MYO5A: variants seen among roughly 807,000 people sequenced by gnomAD.
MYO5A encodes the protein unconventional myosin-Va.
Under a neutral mutation model 249.7 loss-of-function variants are expected in MYO5A, and 98 were observed. The observed-to-expected ratio is 0.39, with a 90% CI of 0.33 to 0.46. MYO5A has a LOEUF of 0.46. Among genes scored for constraint, MYO5A ranks in the 20% least tolerant of loss-of-function variants. The probability of loss-of-function intolerance (pLI) is 0.98; values close to 1 mark genes in which losing one functional copy is unlikely to be tolerated. For synonymous variants in MYO5A, 778 were observed against 810.6 expected (o/e 0.96, Z 0.68); for missense variants, 1,696 against 2,308.8 (o/e 0.73, Z 5.44).
intron 1 of MYO5A, among the ~76,000 whole-genome samples, chr15:52,504,363 G>T (rs1433185495): frequency 6.6e-6 from 1 of 152,098 alleles, no homozygotes; most frequent in African/African-American, 2.4e-5. Context: ...TGAGGAGGTA[G>T]CCAGAAAACC....
intron 1 of MYO5A, among the ~76,000 whole-genome samples, chr15:52,501,133 C>A (rs1286395694): frequency 2.6e-5 from 4 of 151,996 alleles, no homozygotes; most frequent in Non-Finnish European, 5.9e-5. Flanking sequence ...CCAGGCCCGG[C>A]TAATTTTTTT....
intron 34 of MYO5A, among the ~76,000 whole-genome samples, 179 bp from the exon 35 acceptor site, chr15:52,330,678 A>G (rs905395280): frequency 5.9e-5 from 9 of 152,218 alleles, no homozygotes; most frequent in Non-Finnish European, 1.0e-4. Context: ...AGATGGCAAA[A>G]TTATATGGTC....
chr15:52,380,433 C>T (rs1299485325), intron 16 of MYO5A, among the ~76,000 whole-genome samples: 3 of 151,580 alleles, frequency 2.0e-5, no homozygotes, highest in South Asian at 2.1e-4. Flanking sequence ...GAGATTTTGT[C>T]TCAACAACAA....
chr15:52,459,281 C>A (rs927657387), intron 1 of MYO5A, among the ~76,000 whole-genome samples: 1 of 149,686 alleles, frequency 6.7e-6, no homozygotes, highest in Non-Finnish European at 1.5e-5. Flanking sequence ...ACAAAGGTCT[C>A]TGGTTTTCCT....
At chr15:52,505,311 G>C in intron 1 of MYO5A, 1 of 777,068 alleles carries the variant, frequency 1.3e-6, no homozygotes, top group East Asian at 2.4e-5. Flanking sequence ...TTGAAGCAGT[G>C]CCCCGCCCAC....
chr15:52,346,305 G>A (rs1596322201), intron 30 of MYO5A, 56 bp downstream of exon 30: 1 of 1,077,988 alleles, frequency 9.3e-7, no homozygotes, highest in Non-Finnish European at 1.4e-6. Context: ...AGGCTGGCTT[G>A]AAGGCTAAAG....
rs2076230727 is a variant in MYO5A, at chr15:52,460,668, G to A, written c.28-27383C>T. On this transcript the variant is annotated intron_variant, in intron 1 of 41. Coordinates refer to ENST00000399233, the MANE Select transcript of MYO5A (RefSeq NM_001382347.1). ...GAGACGAGGACCGTGCGAGGGCGAG[G>A]GCGAGGGCGAGGCTCCAGAAATTTT... 2.0e-5 allele frequency among the ~76,000 whole-genome samples: 3 copies of A among 152,074 alleles called. No individual in the cohort carries two copies. The South Asian group carries it at 6.2e-4, about 31-fold the overall frequency.
chr15:52,346,427 T>A lies in MYO5A; in HGVS notation c.3893A>T (p.Asp1298Val). The A allele has an allele frequency of 1.2e-6, 2 of 1,607,186 alleles. No individual in the cohort carries two copies. The highest frequency in any genetic ancestry group is 8.5e-7 in the Non-Finnish European group (1 of 1,174,030). Reference sequence around the variant, plus strand: ...ACCTTTATCTTTCATTTTTTGTACATCTTCCAAAAGTATTGTGGAATCTGT... The same window carrying A: ...ACCTTTATCTTTCATTTTTTGTACAACTTCCAAAAGTATTGTGGAATCTGT... Reference protein sequence around the residue: ...TMTDSTILLEDVQKMKDKGEI... With the variant: ...TMTDSTILLEVVQKMKDKGEI... The change falls in exon 30 of 42, where the codon GAT becomes GTT. Residue 1298 changes from aspartate to valine, a missense_variant. Around this residue, in one of 5 missense-constraint regions of MYO5A, gnomAD observed 625 missense variants for 908.1 expected, o/e 0.69. Transcript: ENST00000399233.
At chr15:52,399,026 A>G (rs1483788901) in intron 9 of MYO5A, among the ~76,000 whole-genome samples, 2 of 152,118 alleles carry the variant, frequency 1.3e-5, no homozygotes, top group African/African-American at 4.8e-5. Flanking sequence ...AAAAAAAAAA[A>G]AAGGTGGGTC....
intron 9 of MYO5A, among the ~76,000 whole-genome samples, chr15:52,401,455 T>C (rs2042752794): frequency 6.6e-6 from 1 of 152,198 alleles, no homozygotes; most frequent in Non-Finnish European, 1.5e-5. Context: ...AATTCTAACT[T>C]AATAGTTTCC....
chr15:52,341,888 A>G (rs1016270351), intron 31 of MYO5A, among the ~76,000 whole-genome samples: 16 of 152,202 alleles, frequency 1.1e-4, no homozygotes, highest in Admixed American at 4.6e-4. Flanking sequence ...TGCTGTTTCA[A>G]TTTTATTTTC....
At chr15:52,321,867 T>C (rs1167780468) in intron 37 of MYO5A, among the ~76,000 whole-genome samples, 1 of 151,694 alleles carries the variant, frequency 6.6e-6, no homozygotes, top group Non-Finnish European at 1.5e-5. Flanking sequence ...CACTAAATTA[T>C]CTAAATTATC....
At chr15:52,416,108 A>T (rs1179018205) in intron 5 of MYO5A, 37 bp downstream of exon 5, 1 of 1,611,536 alleles carries the variant, frequency 6.2e-7, no homozygotes, top group African/African-American at 1.3e-5. Context: ...TCTTATCAAG[A>T]GAATATAGGA....
chr15:52,492,647 C>G (rs1195978682), intron 1 of MYO5A, among the ~76,000 whole-genome samples: 1 of 152,232 alleles, frequency 6.6e-6, no homozygotes, highest in Non-Finnish European at 1.5e-5. Context: ...AAGGGCCAAC[C>G]TTGTAAACAG....
intron 34 of MYO5A, among the ~76,000 whole-genome samples, chr15:52,336,243 G>A (rs1387460347): frequency 6.6e-6 from 1 of 152,128 alleles, no homozygotes; most frequent in Admixed American, 6.5e-5. Context: ...TGCTTACAGA[G>A]TAAAATCTGT....
intron 1 of MYO5A, among the ~76,000 whole-genome samples, chr15:52,484,519 C>T (rs971929736): frequency 6.6e-6 from 1 of 152,114 alleles, no homozygotes; most frequent in East Asian, 1.9e-4. Flanking sequence ...TTTGCAGATA[C>T]AAGTATTTCA....
At chr15:52,371,982 G>A in intron 21 of MYO5A, 142 bp downstream of exon 21, 1 of 1,163,448 alleles carries the variant, frequency 8.6e-7, no homozygotes, top group South Asian at 1.3e-5. Context: ...GTACTTCCAT[G>A]CCCATTATGG....
At chr15:52,421,855 G>A (rs2043808779) in intron 4 of MYO5A, among the ~76,000 whole-genome samples, 1 of 152,180 alleles carries the variant, frequency 6.6e-6, no homozygotes, top group African/African-American at 2.4e-5. Context: ...TTAGTTATTG[G>A]TAGATACGTG....
intron 1 of MYO5A, among the ~76,000 whole-genome samples, chr15:52,503,826 C>A (rs1221077023): frequency 6.6e-6 from 1 of 152,146 alleles, no homozygotes; most frequent in Non-Finnish European, 1.5e-5. Flanking sequence ...GAGGTATTAT[C>A]TACCTCTACT....
Sources: allele counts gnomAD v4.1 joint callset (sites outside exome capture counted in the v4.1 genomes callset), GRCh38; gene constraint gnomAD v4.1.1; regional missense constraint gnomAD v4.1.1; transcripts MANE v1.5; gene names NCBI Gene and HGNC (gene_info 2026-07-23, HGNC 2026-07-21).